ASXL2: variants seen among roughly 807,000 people sequenced by gnomAD.
ASXL2 encodes the protein ASXL transcriptional regulator 2.
In ASXL2, 23 loss-of-function variants were observed where a neutral mutation model predicts 122.0. That is an observed-to-expected ratio of 0.19 (90% CI 0.14 to 0.27). The LOEUF is 0.27. Among genes scored for constraint, ASXL2 ranks in the 10% least tolerant of loss-of-function variants. The pLI, the probability that ASXL2 is intolerant of heterozygous loss-of-function variation, is 1.00. For missense variants in ASXL2, 1,518 were observed against 1,713.8 expected, an observed-to-expected ratio of 0.89 and a Z score of 2.02; for synonymous variants, 650 against 637.0, an observed-to-expected ratio of 1.02 and a Z score of -0.31.
rs2149132856 is a variant in ASXL2, at chr2:25,736,851, T to C, written c.*5178A>G. On this transcript the variant is annotated 3_prime_UTR_variant, in exon 13 of 13. Transcript: ENST00000435504. The stretch of plus-strand genomic sequence containing the variant: ...CATCAATGATTCGATATATTATTCA[T>C]TTGTTAAAAAATGGGCTATATACTT... The C allele has an allele frequency of 6.6e-6, 1 of 152,330 alleles. No individual in the cohort carries two copies. Among genetic ancestry groups the C allele is most frequent in the East Asian group, 1.9e-4 (1 of 5,194 alleles). 9.4% of individuals were successfully genotyped at this position (152,330 alleles called of 1,614,324 possible). A position where few individuals can be genotyped will look rare whatever the true frequency, so the allele number is the denominator to read the frequency against.
At chr2:25,809,138 T>C (rs2089128258) in intron 3 of ASXL2, among the ~76,000 whole-genome samples, 1 of 152,104 alleles carries the variant, frequency 6.6e-6, no homozygotes, top group Admixed American at 6.6e-5. Context: ...GCTAAATCAG[T>C]GGCAAAACAT....
At chr2:25,770,190 T>C (rs905150014) in intron 6 of ASXL2, among the ~76,000 whole-genome samples, 16 of 152,220 alleles carry the variant, frequency 1.1e-4, no homozygotes, top group African/African-American at 3.6e-4. Context: ...TGTGATCATG[T>C]ACATTCATTT....
chr2:25,878,295 G>T lies in ASXL2; in HGVS notation c.-73C>A. 1 of 1,521,296 alleles carries T rather than the reference G, an allele frequency of 6.6e-7. No individual in the cohort carries two copies. The highest frequency in any genetic ancestry group is 9.1e-7 in the Non-Finnish European group (1 of 1,104,114). 94.2% of individuals were successfully genotyped at this position (1,521,296 alleles called of 1,614,324 possible). On this transcript the variant is annotated 5_prime_UTR_variant, in exon 1 of 13. Coordinates refer to ENST00000435504, the MANE Select transcript of ASXL2 (RefSeq NM_018263.6). ...GCCCTCCCTGCCTGCTCTGCCCTGC[G>T]CTGCTTTTCCCGCGGTGCCGGGAAA...
rs1333796064 is a variant in ASXL2 at position 25,739,996 on chromosome 2, G to A, written c.*2033C>T. The A allele has an allele frequency of 1.8e-5, 4 of 223,038 alleles. No homozygotes were observed. The East Asian group carries it at 1.9e-4, about 11-fold the overall frequency. The allele number at this position is 223,038 out of a possible 1,614,324, so 13.8% of individuals were successfully genotyped here. On this transcript the variant is annotated 3_prime_UTR_variant, in exon 13 of 13. Transcript: ENST00000435504. Reference sequence around the variant, plus strand: ...ATTGCCCAAGGTACTGAATATTTGGGAGCACCATTATTTCTGTTTTCTACT... The same window carrying A: ...ATTGCCCAAGGTACTGAATATTTGGAAGCACCATTATTTCTGTTTTCTACT...
At chr2:25,868,874 C>A (rs2089931701) in intron 1 of ASXL2, among the ~76,000 whole-genome samples, 1 of 151,954 alleles carries the variant, frequency 6.6e-6, no homozygotes, top group African/African-American at 2.4e-5. Flanking sequence ...ATAAAAAATA[C>A]AAAACATTGG....
intron 5 of ASXL2, among the ~76,000 whole-genome samples, chr2:25,784,315 A>G (rs1257368965): frequency 6.6e-6 from 1 of 152,182 alleles, no homozygotes; most frequent in East Asian, 1.9e-4. Context: ...AGCCTCCTTC[A>G]GCTTTGGCTG....
At chr2:25,799,260 C>G (rs1006429458) in intron 5 of ASXL2, 125 bp downstream of exon 5, 6 of 1,307,074 alleles carry the variant, frequency 4.6e-6, no homozygotes, top group Non-Finnish European at 5.4e-6. Flanking sequence ...CTCTCCTTGA[C>G]AGGACTGTTA....
At chr2:25,855,645 G>A (rs1332709348) in intron 1 of ASXL2, among the ~76,000 whole-genome samples, 1 of 151,930 alleles carries the variant, frequency 6.6e-6, no homozygotes, top group Non-Finnish European at 1.5e-5. Flanking sequence ...CAGGCTGGGC[G>A]ACAGAGTGAG....
intron 8 of ASXL2, among the ~76,000 whole-genome samples, chr2:25,761,680 A>G (rs1358104745): frequency 1.3e-5 from 2 of 151,746 alleles, no homozygotes; most frequent in African/African-American, 2.4e-5. Context: ...CTCAAAAAAA[A>G]AAAAAAAAAA....
At chr2:25,809,534 T>C (rs1282953880) in intron 3 of ASXL2, among the ~76,000 whole-genome samples, 1 of 152,106 alleles carries the variant, frequency 6.6e-6, no homozygotes, top group Non-Finnish European at 1.5e-5. Context: ...GAAAGGGCAA[T>C]ATGCATTAAG....
At chr2:25,806,847 ACTT>A (rs1304703033) in intron 3 of ASXL2, among the ~76,000 whole-genome samples, 1 of 152,096 alleles carries the variant, frequency 6.6e-6, no homozygotes, top group Non-Finnish European at 1.5e-5. Context: ...ATATGTAGCA[ACTT>A]GGTTAAATGT....
chr2:25,743,047 A>G lies in ASXL2; in HGVS notation c.3290T>C (p.Leu1097Pro). ...CCTCTGGCTTGTGGAGATGTCTTCC[A>G]GCTGGAAACCTGAGTGAGCGAAGTT... Reference protein sequence around the residue: ...QFNFAHSGFQLEDISTSQRFM... With the variant: ...QFNFAHSGFQPEDISTSQRFM... The change falls in exon 13 of 13, where the codon CTG becomes CCG. Residue 1097 changes from leucine to proline, a missense_variant. Around this residue, in one of 8 missense-constraint regions of ASXL2, gnomAD observed 831 missense variants for 833.1 expected, o/e 1.00. Transcript: ENST00000435504. The G allele has an allele frequency of 6.2e-7, 1 of 1,614,026 alleles. No homozygotes were observed. Among genetic ancestry groups the G allele is most frequent in the South Asian group, 1.1e-5 (1 of 91,078 alleles).
chr2:25,845,676 C>T (rs2089641045), intron 1 of ASXL2, 113 bp from the exon 2 acceptor site: 2 of 376,940 alleles, frequency 5.3e-6, no homozygotes, highest in Non-Finnish European at 8.8e-6. Context: ...CAATTATTCA[C>T]TACTAATACA....
chr2:25,852,701 T>C (rs921337457), intron 1 of ASXL2, among the ~76,000 whole-genome samples: 1 of 152,062 alleles, frequency 6.6e-6, no homozygotes, highest in Non-Finnish European at 1.5e-5. Context: ...GGAAATAAAC[T>C]AAATGACCAG....
At chr2:25,784,378 C>G (rs1020477788) in intron 5 of ASXL2, among the ~76,000 whole-genome samples, 1 of 152,132 alleles carries the variant, frequency 6.6e-6, no homozygotes, top group Non-Finnish European at 1.5e-5. Context: ...ATTATGGCAG[C>G]AGAGATGATG....
chr2:25,804,771 C>T (rs1334223073), intron 4 of ASXL2, among the ~76,000 whole-genome samples: 3 of 152,152 alleles, frequency 2.0e-5, no homozygotes, highest in East Asian at 1.9e-4. Context: ...GCTTGAAGGC[C>T]GGGCACGGTG....
chr2:25,828,523 A>AG (rs1184987916), intron 3 of ASXL2, among the ~76,000 whole-genome samples: 5 of 148,922 alleles, frequency 3.4e-5, no homozygotes, highest in South Asian at 2.1e-4. Flanking sequence ...AAAAAAAATA[A>AG]AAAGAAAAGA....
chr2:25,777,563 G>A (rs1461964836), intron 5 of ASXL2, among the ~76,000 whole-genome samples: 7 of 151,654 alleles, frequency 4.6e-5, no homozygotes, highest in South Asian at 2.1e-4. Flanking sequence ...CCTAGGGGGT[G>A]ACAGTATGAG....
chr2:25,742,851 T>C lies in ASXL2; in HGVS notation c.3486A>G (p.Gly1162=), dbSNP rs373106531. ...CTGTTGCATTTTTACAGTCTGTATATCCCATTTTCAAGGCTTCAGTGGGGC... is the reference window on the plus strand; with the variant it reads ...CTGTTGCATTTTTACAGTCTGTATACCCCATTTTCAAGGCTTCAGTGGGGC... ...LSSPTEALKM[G]YTDCKNATGE... Residue 1162 remains glycine, a synonymous_variant, in exon 13 of 13, where the codon GGA becomes GGG. Coordinates refer to ENST00000435504, the MANE Select transcript of ASXL2 (RefSeq NM_018263.6). 212 of 1,613,900 alleles carry C rather than the reference T, an allele frequency of 1.3e-4. No individual in the cohort carries two copies. The highest frequency in any genetic ancestry group is 1.6e-4 in the Non-Finnish European group (193 of 1,179,902).
Sources: gnomAD v4.1 joint callset for allele counts (sites outside exome capture counted in the v4.1 genomes callset) on GRCh38, gnomAD v4.1.1 for gene constraint, gnomAD v4.1.1 regional missense constraint, MANE v1.5 for transcripts, NCBI Gene and HGNC (gene_info 2026-07-23, HGNC 2026-07-21) for gene names.